The following ACER3 variants were observed in gnomAD, a reference collection of about 807,000 sequenced individuals.
The protein encoded by ACER3 is alkaline ceramidase 3.
A neutral mutation model predicts 48.9 loss-of-function variants in ACER3; 16 were observed. The observed-to-expected ratio is 0.33, with a 90% CI of 0.22 to 0.50. ACER3 has a LOEUF of 0.50. Ranked by LOEUF, ACER3 falls within the 20% of genes least tolerant of loss-of-function variation. The pLI is 0.98. For missense variants in ACER3, 227 were observed against 326.0 expected (o/e 0.70, Z 2.34); for synonymous variants, 109 against 107.8 (o/e 1.01, Z -0.07).
At chr11:76,958,111 G>A (rs1006409459) in intron 2 of ACER3, among the ~76,000 whole-genome samples, 7 of 146,974 alleles carry the variant, frequency 4.8e-5, no homozygotes, top group Non-Finnish European at 9.0e-5. Context: ...AATCTTTTTA[G>A]ATTTTTACTA....
intron 1 of ACER3, among the ~76,000 whole-genome samples, chr11:76,866,527 A>G (rs896579802): frequency 1.3e-5 from 2 of 152,224 alleles, no homozygotes; most frequent in Non-Finnish European, 2.9e-5. Context: ...TTTGTACTAT[A>G]TTCAGCTACT....
intron 2 of ACER3, among the ~76,000 whole-genome samples, chr11:76,955,754 G>C (rs1276882817): frequency 1.3e-5 from 2 of 152,224 alleles, no homozygotes; most frequent in Non-Finnish European, 2.9e-5. Flanking sequence ...ATGAACTGGG[G>C]AGTTGGGGAG....
chr11:77,004,044 G>T (rs1215346541), intron 7 of ACER3, among the ~76,000 whole-genome samples: 1 of 152,156 alleles, frequency 6.6e-6, no homozygotes, highest in Non-Finnish European at 1.5e-5. Flanking sequence ...GCTATTGTTT[G>T]ATAAAATCTT....
intron 7 of ACER3, among the ~76,000 whole-genome samples, chr11:77,002,264 TATC>T (rs2135274308): frequency 6.6e-6 from 1 of 152,320 alleles, no homozygotes; most frequent in East Asian, 1.9e-4. Context: ...TAACTTTTGT[TATC>T]ATAAATGGAC....
In ACER3 at chr11:77,025,916, AAT is replaced by A. The variant is rs1343169870; in HGVS notation, c.*5592_*5593del. 5 of 152,324 alleles carry A rather than the reference AAT, an allele frequency of 3.3e-5. No individual in the cohort carries two copies. Among genetic ancestry groups the A allele is most frequent in the African/African-American group, 1.2e-4 (5 of 41,572 alleles). The allele number at this position is 152,324 out of a possible 1,614,324, so 9.4% of individuals were successfully genotyped here. A position where few individuals can be genotyped will look rare whatever the true frequency, so the allele number is the denominator to read the frequency against. On this transcript the variant is annotated 3_prime_UTR_variant, in exon 11 of 11. Coordinates refer to ENST00000532485, the MANE Select transcript of ACER3 (RefSeq NM_018367.7). ...TCTAGTGTGCACTTGTCAGAATGAA[AAT>A]ATGTTATTCATTTAAGACATCTCAT...
intron 3 of ACER3, among the ~76,000 whole-genome samples, chr11:76,970,195 TC>T (rs1356901605): frequency 6.6e-6 from 1 of 152,150 alleles, no homozygotes; most frequent in Non-Finnish European, 1.5e-5. Context: ...CCTTTCCCCA[TC>T]ATGGCTAAAA....
intron 4 of ACER3, among the ~76,000 whole-genome samples, chr11:76,977,213 G>A (rs7931869): frequency 0.71 from 108,145 of 152,124 alleles, 38,842 homozygotes; most frequent in Non-Finnish European, 0.77. Context: ...CAGGTAAACA[G>A]TCTCTAAGGA....
rs1233546291 is a variant in ACER3, at chr11:77,021,180, A to T, written c.*853A>T. ...ATAGTTCATCCTCCTCACATAACTT[A>T]TTTGAAGTTGTCAGGGAATGTCATT... On this transcript the variant is annotated 3_prime_UTR_variant, in exon 11 of 11. Transcript: ENST00000532485. The T allele has an allele frequency of 1.3e-5, 2 of 152,194 alleles. No individual in the cohort carries two copies. Among genetic ancestry groups the T allele is most frequent in the Admixed American group, 6.5e-5 (1 of 15,278 alleles). 9.4% of individuals were successfully genotyped at this position (152,194 alleles called of 1,614,324 possible).
chr11:77,023,216 T>C lies in ACER3; in HGVS notation c.*2889T>C. 7.5e-6 allele frequency: 3 copies of C among 398,462 alleles called. No homozygotes were observed. The highest frequency in any genetic ancestry group is 4.4e-5 in the Admixed American group (1 of 22,730). 24.7% of individuals were successfully genotyped at this position (398,462 alleles called of 1,614,324 possible). Reference sequence around the variant, plus strand: ...AAATGAGAACCCAAATAGTAGTGTTTTGTTTGACAGAAGTAAATCAAATAT... The same window carrying C: ...AAATGAGAACCCAAATAGTAGTGTTCTGTTTGACAGAAGTAAATCAAATAT... On this transcript the variant is annotated 3_prime_UTR_variant, in exon 11 of 11. Coordinates refer to ENST00000532485, the MANE Select transcript of ACER3 (RefSeq NM_018367.7).
At chr11:76,943,913 CTT>C (rs56017014) in intron 2 of ACER3, among the ~76,000 whole-genome samples, 59,734 of 147,188 alleles carry the variant, frequency 0.41, 14,348 homozygotes, top group Non-Finnish European at 0.56. Context: ...GACCTTTGTC[CTT>C]TTTTTTTTTT....
chr11:76,865,878 G>A (rs12295481), intron 1 of ACER3, among the ~76,000 whole-genome samples: 3,187 of 150,742 alleles, frequency 0.021, 115 homozygotes, highest in African/African-American at 0.074. Flanking sequence ...GTGCAGCGGC[G>A]TGATCTTGGC....
chr11:76,871,141 G>A (rs1039493239), intron 1 of ACER3, among the ~76,000 whole-genome samples: 2 of 152,192 alleles, frequency 1.3e-5, no homozygotes, highest in Non-Finnish European at 2.9e-5. Flanking sequence ...GACTTCCAGA[G>A]TGCATTCTTA....
rs1057256260 is a variant in ACER3 at position 76,921,046 on chromosome 11, G to T, written c.104-5511G>T. ...CATGTATAGCTATATAAGCTAAATT[G>T]CTTATTTACAAAGCAATTACATATC... On this transcript the variant is annotated intron_variant, in intron 1 of 10. Transcript: ENST00000532485. Among the ~76,000 whole-genome samples the T allele has an allele frequency of 1.2e-4, 18 of 152,132 alleles. 1 individual carries two copies. The highest frequency in any genetic ancestry group is 3.6e-4 in the African/African-American group (15 of 41,506).
At chr11:76,903,351 CA>C (rs550806345) in intron 1 of ACER3, among the ~76,000 whole-genome samples, 34 of 151,916 alleles carry the variant, frequency 2.2e-4, no homozygotes, top group Admixed American at 2.1e-3. Flanking sequence ...GCCAAAGAAG[CA>C]AAAAAGGAAA....
chr11:76,973,378 A>G (rs1296369772), intron 3 of ACER3, among the ~76,000 whole-genome samples: 1 of 152,186 alleles, frequency 6.6e-6, no homozygotes, highest in Non-Finnish European at 1.5e-5. Flanking sequence ...GGACTGCTGC[A>G]GTAGCCTGGT....
chr11:76,865,994 T>G (rs988935553), intron 1 of ACER3, among the ~76,000 whole-genome samples: 5 of 149,644 alleles, frequency 3.3e-5, no homozygotes, highest in Non-Finnish European at 5.9e-5. Flanking sequence ...GTTTTTTGTT[T>G]TTTTTTTTTT....
At chr11:76,911,392 A>G (rs1946373910) in intron 1 of ACER3, among the ~76,000 whole-genome samples, 1 of 152,130 alleles carries the variant, frequency 6.6e-6, no homozygotes, top group Non-Finnish European at 1.5e-5. Context: ...ATGCTAATGC[A>G]TTATAATTAG....
In ACER3 at chr11:77,016,840, T is replaced by A. The variant is rs1591073675; in HGVS notation, c.704+61T>A. 6 of 832,096 alleles carry A rather than the reference T, an allele frequency of 7.2e-6. No individual in the cohort carries two copies. The East Asian group carries it at 1.6e-4, about 22-fold the overall frequency. 51.5% of individuals were successfully genotyped at this position (832,096 alleles called of 1,614,324 possible). On this transcript the variant is annotated intron_variant, in intron 9 of 10. Coordinates refer to ENST00000532485, the MANE Select transcript of ACER3 (RefSeq NM_018367.7). ...GTTTGTTGTTTTTTTTTTTCTTTAC[T>A]CTTTAAATAGGATGTAAATATTTTT...
chr11:76,872,149 T>C (rs1468399576), intron 1 of ACER3, among the ~76,000 whole-genome samples: 1 of 151,592 alleles, frequency 6.6e-6, no homozygotes, highest in Non-Finnish European at 1.5e-5. Flanking sequence ...CCACCTTGGC[T>C]CACTGCAACC....
Sources: gnomAD v4.1 joint callset for allele counts (sites outside exome capture counted in the v4.1 genomes callset) on GRCh38, gnomAD v4.1.1 for gene constraint, MANE v1.5 for transcripts, NCBI Gene and HGNC (gene_info 2026-07-23, HGNC 2026-07-21) for gene names.